Variants in ITPRID1 observed in about 807,000 individuals in gnomAD.
The protein encoded by ITPRID1 is ITPR interacting domain containing 1.
In ITPRID1, 96 loss-of-function variants were observed where a neutral mutation model predicts 95.4. The observed-to-expected ratio is 1.01, with a 90% CI of 0.85 to 1.19. ITPRID1 has a LOEUF of 1.19. Ranked by LOEUF, ITPRID1 falls within the 50% of genes most tolerant of loss-of-function variation. The pLI is 0.00. For synonymous variants in ITPRID1, 510 were observed against 453.6 expected (o/e 1.12, Z -1.58); for missense variants, 1,339 against 1,252.9 (o/e 1.07, Z -1.04).
intron 10 of ITPRID1, among the ~76,000 whole-genome samples, chr7:31,620,331 C>A (rs980145821): frequency 2.0e-5 from 3 of 151,988 alleles, no homozygotes; most frequent in Non-Finnish European, 4.4e-5. Flanking sequence ...ACCCCTGACC[C>A]CTGAGCAGCC....
At chr7:31,535,498 A>G (rs1044329137) in intron 1 of ITPRID1, among the ~76,000 whole-genome samples, 3 of 151,944 alleles carry the variant, frequency 2.0e-5, no homozygotes, top group African/African-American at 4.8e-5. Flanking sequence ...ATTTGTATAT[A>G]TGTGTGTGTG....
chr7:31,585,600 G>T (rs1426723562), intron 10 of ITPRID1, among the ~76,000 whole-genome samples: 2 of 152,130 alleles, frequency 1.3e-5, no homozygotes, highest in Admixed American at 6.5e-5. Flanking sequence ...TCTAGGTAAA[G>T]GCCCATCTAG....
At chr7:31,602,874 A>G (rs2391992) in intron 10 of ITPRID1, among the ~76,000 whole-genome samples, 145,785 of 149,244 alleles carry the variant, frequency 0.98, 71,217 homozygotes, top group East Asian at 0.99. Context: ...TACCCCCTGC[A>G]TCTCCCCACC....
At chr7:31,624,159 G>A (rs987269394) in intron 10 of ITPRID1, among the ~76,000 whole-genome samples, 54 of 150,784 alleles carry the variant, frequency 3.6e-4, no homozygotes, top group African/African-American at 1.2e-3. Flanking sequence ...ATGCTCATGG[G>A]TAGGAAGAGT....
chr7:31,644,663 T>C (rs947695044), intron 12 of ITPRID1, among the ~76,000 whole-genome samples: 11 of 152,220 alleles, frequency 7.2e-5, no homozygotes, highest in Admixed American at 3.9e-4. Flanking sequence ...TAGCCCTTGA[T>C]TAATCAGTAA....
At chr7:31,588,894 C>T (rs1426493497) in intron 10 of ITPRID1, among the ~76,000 whole-genome samples, 2 of 151,996 alleles carry the variant, frequency 1.3e-5, no homozygotes, top group Non-Finnish European at 2.9e-5. Flanking sequence ...AGCCAAGTTC[C>T]CTGCCTCCTT....
intron 6 of ITPRID1, among the ~76,000 whole-genome samples, chr7:31,570,458 A>T (rs188416418): frequency 6.6e-6 from 1 of 152,170 alleles, no homozygotes; most frequent in African/African-American, 2.4e-5. Flanking sequence ...CAGGTTAGGA[A>T]CTCCCCTTCC....
intron 1 of ITPRID1, among the ~76,000 whole-genome samples, chr7:31,537,095 T>TTGTGTGTGTGTGTGTGTGTGTGTG (rs66543091): frequency 4.1e-5 from 6 of 145,568 alleles, no homozygotes; most frequent in Non-Finnish European, 7.5e-5. Flanking sequence ...GGTGTGTGTG[T>TTGTGTGTGTGTGTGTGTGTGTGTG]TGTGTGTGTG....
intron 5 of ITPRID1, among the ~76,000 whole-genome samples, chr7:31,566,300 A>T (rs1231079645): frequency 6.6e-6 from 1 of 152,224 alleles, no homozygotes; most frequent in African/African-American, 2.4e-5. Flanking sequence ...CGTGCAATGC[A>T]CTGTGGCTAC....
chr7:31,525,895 G>T (rs78434540), intron 1 of ITPRID1, among the ~76,000 whole-genome samples: 26,055 of 151,908 alleles, frequency 0.17, 3,237 homozygotes, highest in African/African-American at 0.32. Flanking sequence ...ATCAGTCTCA[G>T]TCATCATTTA....
intron 10 of ITPRID1, among the ~76,000 whole-genome samples, chr7:31,632,889 C>CATTT (rs1206753822): frequency 1.3e-5 from 2 of 151,484 alleles, no homozygotes; most frequent in African/African-American, 4.9e-5. Context: ...TTTATTCATT[C>CATTT]ATTTATTTAT....
intron 5 of ITPRID1, among the ~76,000 whole-genome samples, chr7:31,557,693 T>A (rs1340210769): frequency 6.6e-6 from 1 of 152,164 alleles, no homozygotes; most frequent in Non-Finnish European, 1.5e-5. Context: ...TACATTATCT[T>A]GCTTACCAGA....
chr7:31,642,773 G>C lies in ITPRID1; in HGVS notation c.1403G>C (p.Cys468Ser), dbSNP rs779657313. 6 of 1,614,006 alleles carry C rather than the reference G, an allele frequency of 3.7e-6. No individual in the cohort carries two copies. The highest frequency in any genetic ancestry group is 5.1e-6 in the Non-Finnish European group (6 of 1,179,890). Residue 468 changes from cysteine (C) to serine (S), a missense_variant, in exon 12 of 15, where the codon TGT becomes TCT. By Grantham distance (112) the Cys-to-Ser change is moderately radical. Transcript: ENST00000615280. ...CACAGCTTAGTATCATCCCAGGACT[G>C]TCAGCTAGAGTCGGATGGGCCAGAT... The part of the protein sequence containing the change: ...QSHSLVSSQD[C>S]QLESDGPDSK...
chr7:31,639,405 C>CATT (rs4000185), intron 10 of ITPRID1, among the ~76,000 whole-genome samples: 124,390 of 151,794 alleles, frequency 0.82, 51,407 homozygotes, highest in African/African-American at 0.93. Flanking sequence ...TTACTGGAGA[C>CATT]GTTGTTTTCA....
intron 10 of ITPRID1, among the ~76,000 whole-genome samples, chr7:31,639,532 GTTTTTGTTTTTT>G (rs1036475715): frequency 8.8e-5 from 4 of 45,532 alleles, no homozygotes; most frequent in African/African-American, 4.1e-4. Context: ...TTGTTTGTTT[GTTTTTGTTTTTT>G]TTTTTTTTTT....
At chr7:31,644,866 G>A (rs1790329842) in intron 12 of ITPRID1, among the ~76,000 whole-genome samples, 1 of 152,176 alleles carries the variant, frequency 6.6e-6, no homozygotes, top group Non-Finnish European at 1.5e-5. Flanking sequence ...GGGGTGAAGT[G>A]GAACCACGAT....
chr7:31,530,412 A>T (rs1192011099), intron 1 of ITPRID1, among the ~76,000 whole-genome samples: 1 of 152,228 alleles, frequency 6.6e-6, no homozygotes, highest in Non-Finnish European at 1.5e-5. Flanking sequence ...TCAGGGATAG[A>T]GTTGCCAGAT....
intron 9 of ITPRID1, 57 bp from the exon 10 acceptor site, chr7:31,583,072 TTAAAA>T: frequency 8.2e-7 from 1 of 1,214,668 alleles, no homozygotes; most frequent in South Asian, 1.2e-5. Context: ...TATATGTTGA[TTAAAA>T]TAAGTGAATT....
At chr7:31,648,090 C>A (rs1222676642) in intron 12 of ITPRID1, among the ~76,000 whole-genome samples, 1 of 152,132 alleles carries the variant, frequency 6.6e-6, no homozygotes, top group African/African-American at 2.4e-5. Context: ...TGAGATCTAT[C>A]AGAAATAAGA....
Sources: allele counts gnomAD v4.1 joint callset (sites outside exome capture counted in the v4.1 genomes callset), GRCh38; gene constraint gnomAD v4.1.1; transcripts MANE v1.5; gene names NCBI Gene and HGNC (gene_info 2026-07-23, HGNC 2026-07-21).